Variants in BTBD9 observed in about 807,000 individuals in gnomAD.
BTBD9 encodes the protein BTB/POZ domain-containing protein 9.
A neutral mutation model predicts 64.3 loss-of-function variants in BTBD9; 49 were observed. The observed-to-expected ratio is 0.76, with a 90% CI of 0.61 to 0.97. The LOEUF (loss-of-function observed/expected upper bound fraction) is 0.97. Ranked by LOEUF, BTBD9 falls within the 50% of genes least tolerant of loss-of-function variation. The pLI is 0.00. For missense variants in BTBD9, 598 were observed against 762.1 expected (o/e 0.78, Z 2.53); for synonymous variants, 260 against 274.7 (o/e 0.95, Z 0.53).
At chr6:38,531,940 TAAC>T in intron 6 of BTBD9, among the ~76,000 whole-genome samples, 1 of 152,016 alleles carries the variant, frequency 6.6e-6, no homozygotes, top group East Asian at 1.9e-4. Flanking sequence ...GACACCAATT[TAAC>T]AACTATCTAC....
chr6:38,633,805 T>A (rs1278128621), intron 1 of BTBD9, among the ~76,000 whole-genome samples: 1 of 152,144 alleles, frequency 6.6e-6, no homozygotes, highest in South Asian at 2.1e-4. Context: ...AAAAAAAATA[T>A]ACATCTCTAT....
intron 6 of BTBD9, among the ~76,000 whole-genome samples, chr6:38,547,921 T>C (rs1012885640): frequency 7.2e-5 from 11 of 152,224 alleles, no homozygotes; most frequent in African/African-American, 2.7e-4. Flanking sequence ...CTGTAGACTT[T>C]CAGTAATTAT....
At chr6:38,220,491 G>C (rs1763164721) in intron 9 of BTBD9, among the ~76,000 whole-genome samples, 1 of 152,138 alleles carries the variant, frequency 6.6e-6, no homozygotes, top group Non-Finnish European at 1.5e-5. Context: ...ATATACATTT[G>C]TACTGGCCAA....
chr6:38,415,086 G>C (rs985541860), intron 6 of BTBD9, among the ~76,000 whole-genome samples: 1 of 151,942 alleles, frequency 6.6e-6, no homozygotes, highest in African/African-American at 2.4e-5. Flanking sequence ...GTAGCAAATG[G>C]CATCATTATC....
chr6:38,557,717 TAAA>T (rs67181143), intron 6 of BTBD9, among the ~76,000 whole-genome samples: 11,027 of 152,180 alleles, frequency 0.072, 892 homozygotes, highest in African/African-American at 0.2. Context: ...GCCAATATTA[TAAA>T]CAAAGCTTCC....
At chr6:38,438,844 T>G (rs1045671626) in intron 6 of BTBD9, among the ~76,000 whole-genome samples, 1 of 152,308 alleles carries the variant, frequency 6.6e-6, no homozygotes, top group South Asian at 2.1e-4. Context: ...GATGGGTGTT[T>G]GGCCTTACTA....
At chr6:38,555,942 G>A (rs1299491961) in intron 6 of BTBD9, among the ~76,000 whole-genome samples, 2 of 152,172 alleles carry the variant, frequency 1.3e-5, no homozygotes, top group African/African-American at 4.8e-5. Flanking sequence ...ATAACTAATG[G>A]GATGGGCAGG....
chr6:38,504,475 A>T (rs1340188420), intron 6 of BTBD9: 1 of 452,178 alleles, frequency 2.2e-6, no homozygotes, highest in East Asian at 7.0e-5. Context: ...ACTGAACTTT[A>T]GACCACATCT....
In BTBD9 at chr6:38,254,484, A is replaced by C. The variant is rs763895859; in HGVS notation, c.1562+1925T>G. ...CAAACAAACAAACAAACAAAAAAAA[A>C]CAATTAGCTGGGCACAGTGGCATGC... On this transcript the variant is annotated intron_variant, in intron 9 of 10. Coordinates refer to ENST00000481247, the MANE Select transcript of BTBD9 (RefSeq NM_001099272.2). 5.3e-5 allele frequency among the ~76,000 whole-genome samples: 8 copies of C among 152,162 alleles called. No individual in the cohort carries two copies. In the East Asian group the frequency reaches 7.7e-4, roughly 15 times the overall value.
At chr6:38,422,241 T>C (rs927721535) in intron 6 of BTBD9, among the ~76,000 whole-genome samples, 7 of 152,170 alleles carry the variant, frequency 4.6e-5, no homozygotes, top group Admixed American at 1.3e-4. Flanking sequence ...AACCAATATA[T>C]ACAAAAATGG....
At chr6:38,432,293 T>C (rs1246239071) in intron 6 of BTBD9, among the ~76,000 whole-genome samples, 3 of 152,034 alleles carry the variant, frequency 2.0e-5, no homozygotes, top group African/African-American at 7.3e-5. Context: ...ATCATGACAG[T>C]GAGAGAAATC....
intron 6 of BTBD9, among the ~76,000 whole-genome samples, chr6:38,527,615 C>T (rs1248433644): frequency 1.3e-5 from 2 of 152,186 alleles, no homozygotes; most frequent in East Asian, 3.9e-4. Context: ...CCTAGCCATG[C>T]AGAACTATGA....
chr6:38,402,853 AG>A (rs1407025483), intron 6 of BTBD9: 2 of 700,966 alleles, frequency 2.9e-6, no homozygotes, highest in Admixed American at 4.0e-5. Flanking sequence ...GGATTGCTTG[AG>A]CTCAGGAGTT....
At chr6:38,562,333 TA>T (rs1283259331) in intron 6 of BTBD9, among the ~76,000 whole-genome samples, 3 of 152,200 alleles carry the variant, frequency 2.0e-5, no homozygotes, top group African/African-American at 7.2e-5. Flanking sequence ...CTCTCGTCTT[TA>T]AAAAGTACAT....
chr6:38,302,408 C>T (rs997800892), intron 7 of BTBD9, among the ~76,000 whole-genome samples: 2 of 150,186 alleles, frequency 1.3e-5, no homozygotes, highest in African/African-American at 4.9e-5. Context: ...ATTTAATTAT[C>T]TCCAGGTTCT....
At position 38,323,668 on chromosome 6, in the gene BTBD9, G is replaced by A. The variant is rs528798252; in HGVS notation, c.1264+21316C>T. On this transcript the variant is annotated intron_variant, in intron 7 of 10. Coordinates refer to ENST00000481247, the MANE Select transcript of BTBD9 (RefSeq NM_001099272.2). ...AACACACCATTTTGTACTTATAGTA[G>A]GTTAACTCTCCCTCCTAGTATTGCT... is the stretch of plus-strand genomic sequence containing the variant. Among the ~76,000 whole-genome samples, 15 of 152,290 alleles carry A rather than the reference G, an allele frequency of 9.8e-5. No individual in the cohort carries two copies. In the South Asian group the frequency reaches 2.7e-3, roughly 27 times the overall value.
intron 9 of BTBD9, among the ~76,000 whole-genome samples, chr6:38,197,550 A>C (rs1762306135): frequency 6.6e-6 from 1 of 152,200 alleles, no homozygotes; most frequent in Non-Finnish European, 1.5e-5. Flanking sequence ...GGCCTCAGGT[A>C]AGTGACCATC....
intron 9 of BTBD9, among the ~76,000 whole-genome samples, chr6:38,253,233 G>A (rs574070131): frequency 1.3e-5 from 2 of 152,338 alleles, no homozygotes; most frequent in African/African-American, 4.8e-5. Context: ...TAAACAAAGA[G>A]CTTTAATTGA....
At chr6:38,214,897 T>C (rs1762961605) in intron 9 of BTBD9, among the ~76,000 whole-genome samples, 1 of 152,230 alleles carries the variant, frequency 6.6e-6, no homozygotes, top group Non-Finnish European at 1.5e-5. Flanking sequence ...ACCAGTCCCC[T>C]GCCCTGAGGG....
Sources: gnomAD v4.1 joint callset for allele counts (sites outside exome capture counted in the v4.1 genomes callset) on GRCh38, gnomAD v4.1.1 for gene constraint, MANE v1.5 for transcripts, NCBI Gene and HGNC (gene_info 2026-07-23, HGNC 2026-07-21) for gene names.